The following DNAH11 variants were observed in gnomAD, a reference collection of about 807,000 sequenced individuals.
DNAH11 encodes axonemal beta dynein heavy chain 11.
A neutral mutation model predicts 526.0 loss-of-function variants in DNAH11; 442 were observed. The observed-to-expected ratio is 0.84, with a 90% CI of 0.78 to 0.91. The LOEUF (loss-of-function observed/expected upper bound fraction) is 0.91. Ranked by LOEUF, DNAH11 falls within the 40% of genes least tolerant of loss-of-function variation. The pLI is 0.00. For synonymous variants in DNAH11, 2,461 were observed against 1,935.9 expected, an observed-to-expected ratio of 1.27 and a Z score of -7.12; for missense variants, 6,989 against 5,448.7, an observed-to-expected ratio of 1.28 and a Z score of -8.90.
At chr7:21,616,348 C>T (rs1785783923) in intron 22 of DNAH11, 56 bp downstream of exon 22, 1 of 1,372,668 alleles carries the variant, frequency 7.3e-7, no homozygotes, top group African/African-American at 1.4e-5. Flanking sequence ...CCACCTCCTT[C>T]CATCTTCCCT....
intron 54 of DNAH11, among the ~76,000 whole-genome samples, chr7:21,757,668 G>C (rs1786697659): frequency 6.6e-6 from 1 of 152,166 alleles, no homozygotes; most frequent in South Asian, 2.1e-4. Context: ...CGTAGAGACA[G>C]TAATTCACAG....
In DNAH11 at chr7:21,811,127, C is replaced by T. The variant is rs116252176; in HGVS notation, c.10332+3078C>T. ...AAAATGAAGGAAATTCTGGTATGTG[C>T]TACAACATGGATGAACCTTGTCAAT... On this transcript the variant is annotated intron_variant, in intron 63 of 81. Coordinates refer to ENST00000409508, the MANE Select transcript of DNAH11 (RefSeq NM_001277115.2). Among the ~76,000 whole-genome samples the T allele has an allele frequency of 2.7e-3, 412 of 152,268 alleles. 1 individual carries two copies. Among genetic ancestry groups the T allele is most frequent in the African/African-American group, 9.5e-3 (395 of 41,546 alleles).
At chr7:21,684,023 T>G in intron 32 of DNAH11, 79 bp downstream of exon 32, 4 of 1,344,268 alleles carry the variant, frequency 3.0e-6, no homozygotes, top group Non-Finnish European at 4.1e-6. Flanking sequence ...AAGGAAGGAA[T>G]GAGAGGAAAC....
intron 61 of DNAH11, among the ~76,000 whole-genome samples, chr7:21,798,208 G>A (rs1021574861): frequency 1.3e-5 from 2 of 152,162 alleles, no homozygotes; most frequent in African/African-American, 4.8e-5. Context: ...CAATTCTTGT[G>A]CCTCAGCCTC....
intron 26 of DNAH11, 27 bp downstream of exon 26, chr7:21,636,122 T>C: frequency 6.4e-7 from 1 of 1,550,512 alleles, no homozygotes; most frequent in Non-Finnish European, 8.8e-7. Flanking sequence ...CTGTATGCTA[T>C]TCTAGCAAAG....
At chr7:21,582,140 T>G in intron 9 of DNAH11, 119 bp downstream of exon 9, 2 of 624,246 alleles carry the variant, frequency 3.2e-6, no homozygotes, top group South Asian at 4.3e-5. Context: ...TCATATTCCC[T>G]TCAAATTCAG....
intron 7 of DNAH11, 110 bp from the exon 8 acceptor site, chr7:21,571,696 C>G (rs571941756): frequency 2.8e-6 from 2 of 714,354 alleles, no homozygotes; most frequent in Admixed American, 7.4e-5. Context: ...CTGTCATTTT[C>G]TGTCATTGAC....
intron 71 of DNAH11, 145 bp from the exon 72 acceptor site, chr7:21,867,714 T>C: frequency 4.4e-6 from 3 of 685,896 alleles, no homozygotes; most frequent in Non-Finnish European, 7.3e-6. Flanking sequence ...TCTAGCTGGA[T>C]TCATATTGTT....
chr7:21,656,460 A>C (rs2128465238), intron 29 of DNAH11, among the ~76,000 whole-genome samples: 1 of 152,344 alleles, frequency 6.6e-6, no homozygotes, highest in South Asian at 2.1e-4. Context: ...GAGTCTAGCA[A>C]GCTGATGTCC....
Position 21,658,859 on chromosome 7 carries a change from C to T in DNAH11, c.5156C>T (p.Thr1719Ile). The change falls in exon 30 of 82, where the codon ACA (threonine) becomes ATA (isoleucine). Residue 1719 changes from threonine to isoleucine, a missense_variant. Physicochemically the swap from Thr to Ile is moderately conservative, Grantham distance 89 (BLOSUM62 -1). Transcript: ENST00000409508. ...CAAGAAACGGTGCGTCATTCTATAA[C>T]AGAAGCCATAGTGGCCTACGAGGAA... Reference protein sequence around the residue: ...TMQETVRHSITEAIVAYEEKP... With the variant: ...TMQETVRHSIIEAIVAYEEKP... 6.2e-7 allele frequency: 1 copy of T among 1,606,484 alleles called. No homozygotes were observed. The highest frequency in any genetic ancestry group is 2.2e-5 in the East Asian group (1 of 44,536).
At chr7:21,600,954 A>G in intron 16 of DNAH11, 24 bp downstream of exon 16, 3 of 1,611,980 alleles carry the variant, frequency 1.9e-6, no homozygotes, top group South Asian at 1.1e-5. Flanking sequence ...TTAGCATTTA[A>G]TGTAGTGAAA....
At position 21,559,722 on chromosome 7, in the gene DNAH11, A is replaced by G. The variant is rs1240440566; in HGVS notation, c.812A>G (p.His271Arg). The G allele has an allele frequency of 6.2e-7, 1 of 1,609,800 alleles. No homozygotes were observed. Among genetic ancestry groups the G allele is most frequent in the Admixed American group, 1.7e-5 (1 of 59,510 alleles). ...GTGCAGCGTTTGTTGAATGGTCTTC[A>G]CTTGTCTCCTCAAGCAGAACTAGAT... ...DSVQRLLNGL[H>R]LSPQAELDFW... is the part of the protein sequence containing the mutation. The change falls in exon 4 of 82, where the codon CAC becomes CGC. Residue 271 changes from histidine (H) to arginine (R), a missense_variant. Coordinates refer to ENST00000409508, the MANE Select transcript of DNAH11 (RefSeq NM_001277115.2).
At chr7:21,624,070 G>A (rs1786213892) in intron 25 of DNAH11, among the ~76,000 whole-genome samples, 1 of 151,732 alleles carries the variant, frequency 6.6e-6, no homozygotes, top group Non-Finnish European at 1.5e-5. Context: ...CCTCTTAAAG[G>A]TCTCACCTCA....
intron 54 of DNAH11, among the ~76,000 whole-genome samples, chr7:21,759,586 G>A (rs1030496096): frequency 6.6e-5 from 10 of 152,222 alleles, no homozygotes; most frequent in Non-Finnish European, 1.2e-4. Flanking sequence ...AAAATACTGA[G>A]GCTTTTGAGG....
intron 74 of DNAH11, among the ~76,000 whole-genome samples, chr7:21,873,784 C>CTTTTTTTGTT: frequency 1.4e-5 from 1 of 70,700 alleles, no homozygotes; most frequent in Non-Finnish European, 2.3e-5. Context: ...GAGGAGGTTG[C>CTTTTTTTGTT]TTTTTTTTTT....
intron 40 of DNAH11, among the ~76,000 whole-genome samples, chr7:21,709,525 A>T (rs1678277157): frequency 6.6e-6 from 1 of 152,206 alleles, no homozygotes; most frequent in Admixed American, 6.5e-5. Context: ...CCTCAATGTC[A>T]CACAGTATAC....
intron 32 of DNAH11, among the ~76,000 whole-genome samples, chr7:21,684,563 G>C (rs1783289704): frequency 6.6e-6 from 1 of 152,218 alleles, no homozygotes; most frequent in East Asian, 1.9e-4. Context: ...CTATTGTGGA[G>C]AGCTTGAGCT....
intron 79 of DNAH11, among the ~76,000 whole-genome samples, chr7:21,895,830 C>T (rs531327276): frequency 3.4e-4 from 51 of 152,186 alleles, no homozygotes; most frequent in African/African-American, 1.1e-3. Context: ...GCCGGGTTCA[C>T]GCCATTCTCC....
At chr7:21,582,064 T>A (rs1281937667) in intron 9 of DNAH11, 43 bp downstream of exon 9, 8 of 1,250,646 alleles carry the variant, frequency 6.4e-6, no homozygotes, top group Non-Finnish European at 9.3e-6. Context: ...TTACTATGAA[T>A]AATATAGGCT....
Sources: gnomAD v4.1 joint callset for allele counts (sites outside exome capture counted in the v4.1 genomes callset) on GRCh38, gnomAD v4.1.1 for gene constraint, MANE v1.5 for transcripts, NCBI Gene and HGNC (gene_info 2026-07-23, HGNC 2026-07-21) for gene names.